The following DCC variants were observed in gnomAD, a reference collection of about 807,000 sequenced individuals.
DCC encodes the protein netrin receptor DCC.
In DCC, 58 loss-of-function variants were observed where a neutral mutation model predicts 172.5. The observed-to-expected ratio is 0.34, with a 90% CI of 0.27 to 0.42. DCC has a LOEUF of 0.42. Ranked by LOEUF, DCC falls within the 10% of genes least tolerant of loss-of-function variation. The probability of loss-of-function intolerance (pLI) is 1.00; values close to 1 mark genes in which losing one functional copy is unlikely to be tolerated. For missense variants in DCC, 1,740 were observed against 1,791.0 expected (o/e 0.97, Z 0.51); for synonymous variants, 709 against 644.5 (o/e 1.10, Z -1.52).
intron 8 of DCC, 30 bp downstream of exon 8, chr18:53,157,542 T>G: frequency 6.2e-7 from 1 of 1,611,624 alleles, no homozygotes; most frequent in Non-Finnish European, 8.5e-7. Context: ...AAATTCAGCT[T>G]AATCGGTCAT....
intron 3 of DCC, among the ~76,000 whole-genome samples, chr18:52,908,582 C>T (rs1285807652): frequency 5.3e-5 from 8 of 149,812 alleles, no homozygotes; most frequent in Non-Finnish European, 1.5e-5. Context: ...TCAAGTTGAA[C>T]TAATGAAATA....
intron 2 of DCC, among the ~76,000 whole-genome samples, chr18:52,857,997 A>C (rs1275739054): frequency 6.6e-6 from 1 of 152,354 alleles, no homozygotes; most frequent in East Asian, 1.9e-4. Flanking sequence ...AGGGGGAATT[A>C]AAATGACTTC....
At chr18:53,101,184 T>A in intron 7 of DCC, among the ~76,000 whole-genome samples, 1 of 152,114 alleles carries the variant, frequency 6.6e-6, no homozygotes, top group Non-Finnish European at 1.5e-5. Flanking sequence ...TAGTTCCAGG[T>A]GGCCCAAGGT....
chr18:53,140,947 T>C (rs2043820662), intron 7 of DCC, among the ~76,000 whole-genome samples: 1 of 152,080 alleles, frequency 6.6e-6, no homozygotes, highest in Admixed American at 6.6e-5. Flanking sequence ...ATAAATAAAT[T>C]CAGATAATAA....
chr18:52,986,815 TAC>T (rs151140409), intron 5 of DCC, among the ~76,000 whole-genome samples: 84 of 149,512 alleles, frequency 5.6e-4, no homozygotes, highest in Admixed American at 1.1e-3. Flanking sequence ...AGTATATATA[TAC>T]ACACACACAC....
At chr18:52,642,328 T>G (rs2034923916) in intron 1 of DCC, among the ~76,000 whole-genome samples, 2 of 147,702 alleles carry the variant, frequency 1.4e-5, no homozygotes, top group African/African-American at 2.5e-5. Flanking sequence ...GGGGGAAGAG[T>G]GGGAGGGGGG....
chr18:53,265,570 A>C (rs2056663664), intron 12 of DCC, among the ~76,000 whole-genome samples: 1 of 152,202 alleles, frequency 6.6e-6, no homozygotes. Context: ...TCTGAATCTT[A>C]CCCTAATCAA....
In DCC at chr18:53,518,310, G is replaced by GAGTT. The variant is rs576768662; in HGVS notation, c.4112-8305_4112-8302dup. 3.0e-3 allele frequency among the ~76,000 whole-genome samples: 463 copies of GAGTT among 152,194 alleles called. 4 individuals carry two copies. Among genetic ancestry groups the GAGTT allele is most frequent in the African/African-American group, 0.011 (437 of 41,538 alleles). ...AAATAGGAAAAAGTGGGGAAGATGT[G>GAGTT]AGTTAATAGTGAAATCAAAACCATG... On this transcript the variant is annotated intron_variant, in intron 27 of 28. Transcript: ENST00000442544.
At chr18:52,605,053 C>T (rs2034104217) in intron 1 of DCC, among the ~76,000 whole-genome samples, 1 of 151,974 alleles carries the variant, frequency 6.6e-6, no homozygotes, top group South Asian at 2.1e-4. Flanking sequence ...AGTCATTAAT[C>T]TCCTATTTAA....
chr18:52,372,608 C>T (rs1358854663), intron 1 of DCC, among the ~76,000 whole-genome samples: 2 of 150,622 alleles, frequency 1.3e-5, no homozygotes. Context: ...CATGCATCAA[C>T]ACTTTTTGTC....
At chr18:53,383,107 G>C (rs180752237) in intron 15 of DCC, among the ~76,000 whole-genome samples, 320 of 152,188 alleles carry the variant, frequency 2.1e-3, no homozygotes, top group Non-Finnish European at 3.5e-3. Flanking sequence ...CCAGAGGCTA[G>C]ATCAGACTAA....
chr18:53,006,487 T>G (rs1261355463), intron 5 of DCC, among the ~76,000 whole-genome samples: 1 of 152,214 alleles, frequency 6.6e-6, no homozygotes, highest in Non-Finnish European at 1.5e-5. Context: ...TAGAGATGTA[T>G]TTTTGTGATA....
At chr18:53,283,975 A>G (rs2056904926) in intron 12 of DCC, among the ~76,000 whole-genome samples, 1 of 152,226 alleles carries the variant, frequency 6.6e-6, no homozygotes, top group Non-Finnish European at 1.5e-5. Context: ...TACATAGGCT[A>G]TGAATACGTT....
intron 2 of DCC, among the ~76,000 whole-genome samples, chr18:52,805,656 A>G (rs62083305): frequency 0.025 from 3,757 of 152,364 alleles, 64 homozygotes; most frequent in Middle Eastern, 0.082. Flanking sequence ...CAAAGAAACT[A>G]CTTTCAGTAA....
Position 53,535,193 on chromosome 18 carries a change from AT to A in DCC, c.*4543del, listed in dbSNP as rs1164172301. 6.6e-6 allele frequency: 1 copy of A among 152,156 alleles called. No individual in the cohort carries two copies. The highest frequency in any genetic ancestry group is 6.5e-5 in the Admixed American group (1 of 15,280). The allele number at this position is 152,156 out of a possible 1,614,324, so 9.4% of individuals were successfully genotyped here. On this transcript the variant is annotated 3_prime_UTR_variant, in exon 29 of 29. Transcript: ENST00000442544. ...ATGGGGTGTACTTTTTATAAGTAAT[AT>A]TTAATTTATTATTTAGAGTGGCTTC... is the stretch of plus-strand genomic sequence containing the variant.
At chr18:53,495,158 A>C (rs2046004547) in intron 26 of DCC, among the ~76,000 whole-genome samples, 1 of 152,152 alleles carries the variant, frequency 6.6e-6, no homozygotes, top group African/African-American at 2.4e-5. Flanking sequence ...TTGGGAGGCC[A>C]AGGCTGGTGG....
At chr18:52,351,418 C>T (rs917758168) in intron 1 of DCC, among the ~76,000 whole-genome samples, 1 of 136,906 alleles carries the variant, frequency 7.3e-6, no homozygotes, top group Non-Finnish European at 1.6e-5. Flanking sequence ...ACTACATAGG[C>T]CACCTTTTCC....
chr18:53,304,510 A>C (rs1248944370), intron 12 of DCC, among the ~76,000 whole-genome samples: 1 of 151,884 alleles, frequency 6.6e-6, no homozygotes, highest in Non-Finnish European at 1.5e-5. Context: ...TGATTTACTT[A>C]CTCTTGCCTA....
At chr18:52,701,642 T>C (rs1053071117) in intron 1 of DCC, among the ~76,000 whole-genome samples, 2 of 152,238 alleles carry the variant, frequency 1.3e-5, no homozygotes, top group African/African-American at 4.8e-5. Flanking sequence ...AGTGCCCATA[T>C]GAATGGTTGC....
Sources: gnomAD v4.1 joint callset for allele counts (sites outside exome capture counted in the v4.1 genomes callset) on GRCh38, gnomAD v4.1.1 for gene constraint, MANE v1.5 for transcripts, NCBI Gene and HGNC (gene_info 2026-07-23, HGNC 2026-07-21) for gene names.